Variants in GSTA4 observed in about 807,000 individuals in gnomAD.
GSTA4 encodes the protein glutathione S-transferase A4.
Under a neutral mutation model 24.4 loss-of-function variants are expected in GSTA4, and 15 were observed. That is an observed-to-expected ratio of 0.61 (90% CI 0.41 to 0.95). The LOEUF (loss-of-function observed/expected upper bound fraction) is 0.95, where lower values mean the gene tolerates loss of function less well. Among genes scored for constraint, GSTA4 ranks in the 40% least tolerant of loss-of-function variants. GSTA4 has a pLI of 0.00. For missense variants in GSTA4, 244 were observed against 262.1 expected, an observed-to-expected ratio of 0.93 and a Z score of 0.48; for synonymous variants, 92 against 94.2, an observed-to-expected ratio of 0.98 and a Z score of 0.13.
intron 2 of GSTA4, among the ~76,000 whole-genome samples, chr6:52,990,884 C>A (rs1281731555): frequency 6.6e-6 from 1 of 152,148 alleles, no homozygotes; most frequent in Non-Finnish European, 1.5e-5. Flanking sequence ...GTGGGGCAGT[C>A]CTTATTCAGA....
At chr6:52,988,217 AG>A (rs1286308186) in intron 2 of GSTA4, among the ~76,000 whole-genome samples, 3 of 152,204 alleles carry the variant, frequency 2.0e-5, no homozygotes, top group African/African-American at 7.2e-5. Context: ...AGCATCAAAA[AG>A]AATGATGTCA....
At chr6:52,990,417 G>GCCCCTCC (rs1267808895) in intron 2 of GSTA4, among the ~76,000 whole-genome samples, 1 of 152,162 alleles carries the variant, frequency 6.6e-6, no homozygotes, top group Non-Finnish European at 1.5e-5. Flanking sequence ...GACGGGGAGG[G>GCCCCTCC]CCCCTCCCCA....
chr6:52,982,473 C>CAT (rs1221796813), intron 6 of GSTA4, 101 bp downstream of exon 6: 1 of 437,624 alleles, frequency 2.3e-6, no homozygotes, highest in African/African-American at 2.6e-5. Context: ...AAATATTACA[C>CAT]ATACACACAC....
At chr6:52,981,371 G>T (rs2127383539) in intron 6 of GSTA4, among the ~76,000 whole-genome samples, 1 of 152,268 alleles carries the variant, frequency 6.6e-6, no homozygotes, top group South Asian at 2.1e-4. Flanking sequence ...GGCTGTTTCA[G>T]GGATTGGCAA....
chr6:52,988,474 G>T (rs902374651), intron 2 of GSTA4, among the ~76,000 whole-genome samples: 1 of 152,176 alleles, frequency 6.6e-6, no homozygotes, highest in African/African-American at 2.4e-5. Context: ...GGCTTCTGTT[G>T]TTAACAAAGT....
intron 2 of GSTA4, among the ~76,000 whole-genome samples, chr6:52,989,363 T>G (rs1022329978): frequency 2.0e-5 from 3 of 152,234 alleles, no homozygotes; most frequent in African/African-American, 7.2e-5. Flanking sequence ...CTGAAATTCT[T>G]TCTTCTGCAA....
intron 5 of GSTA4, among the ~76,000 whole-genome samples, chr6:52,983,270 T>C (rs1581909452): frequency 6.6e-6 from 1 of 152,230 alleles, no homozygotes; most frequent in Admixed American, 6.5e-5. Flanking sequence ...CTTGAGTTCA[T>C]CTTGACTCCC....
At chr6:52,986,762 G>A (rs34511626) in intron 3 of GSTA4, among the ~76,000 whole-genome samples, 13,198 of 152,200 alleles carry the variant, frequency 0.087, 823 homozygotes, top group Non-Finnish European at 0.11. Flanking sequence ...GCCTCCAGCT[G>A]GGCCTGAGGA....
chr6:52,981,239 A>T (rs1281260270), intron 6 of GSTA4, among the ~76,000 whole-genome samples: 1 of 152,214 alleles, frequency 6.6e-6, no homozygotes. Context: ...TAGTATATCA[A>T]AATATTTAAT....
At chr6:52,992,634 A>G (rs576870346) in intron 2 of GSTA4, among the ~76,000 whole-genome samples, 1 of 152,368 alleles carries the variant, frequency 6.6e-6, no homozygotes, top group South Asian at 2.1e-4. Context: ...TAATCATGAA[A>G]AAAACAAGAT....
intron 2 of GSTA4, among the ~76,000 whole-genome samples, chr6:52,991,790 T>C (rs1347275518): frequency 2.0e-5 from 3 of 147,182 alleles, no homozygotes; most frequent in Non-Finnish European, 4.5e-5. Context: ...TGGAGTCTCG[T>C]TCTGTTGTCC....
chr6:52,984,066 A>G (rs1250581260), intron 5 of GSTA4, among the ~76,000 whole-genome samples: 2 of 144,426 alleles, frequency 1.4e-5, no homozygotes, highest in African/African-American at 5.1e-5. Context: ...TCTTCTACTC[A>G]TATCGAATTA....
chr6:52,994,539 G>T, intron 1 of GSTA4: 1 of 329,238 alleles, frequency 3.0e-6, no homozygotes, highest in Non-Finnish European at 5.6e-6. Flanking sequence ...CTAGCAGTAC[G>T]GGATTTCACA....
At chr6:52,980,675 A>G (rs1763435550) in intron 6 of GSTA4, among the ~76,000 whole-genome samples, 1 of 152,164 alleles carries the variant, frequency 6.6e-6, no homozygotes, top group African/African-American at 2.4e-5. Context: ...TTGGGGCCAA[A>G]GGTACTTCTA....
chr6:52,994,259 T>G lies in GSTA4; in HGVS notation c.-16A>C. The G allele has an allele frequency of 1.9e-6, 3 of 1,564,708 alleles. No homozygotes were observed. Among genetic ancestry groups the G allele is most frequent in the Non-Finnish European group, 2.6e-6 (3 of 1,135,488 alleles). On this transcript the variant is annotated splice_region_variant and 5_prime_UTR_variant, in exon 2 of 7. Transcript: ENST00000370963. ...TTGCTGCCATGATAGCTTTTCAGGC[T>G]TTCTGAAATACAAATGCAGCAGCTC... is the stretch of plus-strand genomic sequence containing the variant.
At chr6:52,986,698 G>A (rs961330613) in intron 3 of GSTA4, among the ~76,000 whole-genome samples, 2 of 152,154 alleles carry the variant, frequency 1.3e-5, no homozygotes, top group African/African-American at 4.8e-5. Flanking sequence ...TCCAGCCACC[G>A]TCACACACAA....
intron 3 of GSTA4, among the ~76,000 whole-genome samples, chr6:52,985,816 G>T (rs1449987593): frequency 6.6e-6 from 1 of 152,128 alleles, no homozygotes; most frequent in Non-Finnish European, 1.5e-5. Flanking sequence ...ACTTTGGGAG[G>T]CCAAGGCAGG....
intron 6 of GSTA4, among the ~76,000 whole-genome samples, chr6:52,981,179 T>G (rs1435668930): frequency 1.3e-5 from 2 of 152,254 alleles, no homozygotes; most frequent in Non-Finnish European, 2.9e-5. Flanking sequence ...TGAAGATTTT[T>G]ATTCTCATTT....
chr6:52,985,646 A>C, intron 3 of GSTA4, 63 bp from the exon 4 acceptor site: 1 of 1,547,168 alleles, frequency 6.5e-7, no homozygotes, highest in Non-Finnish European at 8.9e-7. Context: ...CCCCTAAAAA[A>C]TGCTCTGTGG....
Sources: gnomAD v4.1 joint callset for allele counts (sites outside exome capture counted in the v4.1 genomes callset) on GRCh38, gnomAD v4.1.1 for gene constraint, MANE v1.5 for transcripts, NCBI Gene and HGNC (gene_info 2026-07-23, HGNC 2026-07-21) for gene names.